The following PIK3C2G variants were observed in gnomAD, a reference collection of about 807,000 sequenced individuals.
The protein encoded by PIK3C2G is phosphatidylinositol-4-phosphate 3-kinase catalytic subunit type 2 gamma, also known as phosphatidylinositol 3-kinase C2 domain-containing subunit gamma.
A neutral mutation model predicts 181.1 loss-of-function variants in PIK3C2G; 168 were observed. The ratio of observed to expected loss-of-function variants is 0.93; its 90% CI spans 0.82 to 1.05. The LOEUF (loss-of-function observed/expected upper bound fraction) is 1.05. Among genes scored for constraint, PIK3C2G ranks in the 50% least tolerant of loss-of-function variants. The pLI, the probability that PIK3C2G is intolerant of heterozygous loss-of-function variation, is 0.00. For missense variants in PIK3C2G, 1,869 were observed against 1,732.8 expected (o/e 1.08, Z -1.40); for synonymous variants, 573 against 592.2 (o/e 0.97, Z 0.47).
intron 15 of PIK3C2G, among the ~76,000 whole-genome samples, chr12:18,391,673 C>T (rs1469471745): frequency 6.6e-6 from 1 of 152,014 alleles, no homozygotes; most frequent in Non-Finnish European, 1.5e-5. Flanking sequence ...TTTAACAGCA[C>T]AAATTAGTGA....
chr12:18,369,479 C>T (rs1039918155), intron 12 of PIK3C2G, among the ~76,000 whole-genome samples: 1 of 145,192 alleles, frequency 6.9e-6, no homozygotes, highest in Non-Finnish European at 1.5e-5. Flanking sequence ...ATATAACGAT[C>T]GTATAATTGA....
intron 26 of PIK3C2G, among the ~76,000 whole-genome samples, chr12:18,557,344 T>C: frequency 6.6e-6 from 1 of 151,862 alleles, no homozygotes; most frequent in East Asian, 1.9e-4. Context: ...TAACAAGAAT[T>C]TAGTAAAATA....
chr12:18,605,964 A>G (rs1947996023), intron 30 of PIK3C2G, among the ~76,000 whole-genome samples: 1 of 152,140 alleles, frequency 6.6e-6, no homozygotes, highest in Non-Finnish European at 1.5e-5. Flanking sequence ...TACAAATTTC[A>G]TAGATTTGCT....
At chr12:18,302,709 T>G (rs1950226476) in intron 5 of PIK3C2G, among the ~76,000 whole-genome samples, 1 of 152,052 alleles carries the variant, frequency 6.6e-6, no homozygotes, top group Non-Finnish European at 1.5e-5. Context: ...GGTGGCATGA[T>G]TCCCAAGGAC....
chr12:18,458,586 G>C lies in PIK3C2G; in HGVS notation c.2505-29863G>C, dbSNP rs115083230. 7.1e-3 allele frequency among the ~76,000 whole-genome samples: 1,077 copies of C among 152,230 alleles called. 6 individuals are homozygous for C. The highest frequency in any genetic ancestry group is 0.019 in the African/African-American group (793 of 41,554). ...TACAATGTGGGAAGAAGCTGAATAT[G>C]ATGAGTATCACTCTTGTGATTGTGT... On this transcript the variant is annotated intron_variant, in intron 18 of 32. Coordinates refer to ENST00000538779, the MANE Select transcript of PIK3C2G (RefSeq NM_001288772.2).
downstream of PIK3C2G, among the ~76,000 whole-genome samples, chr12:18,651,791 G>A (rs560963658): frequency 3.5e-4 from 54 of 152,292 alleles, no homozygotes; most frequent in African/African-American, 1.0e-3. Context: ...GTATATGAAT[G>A]TCGCTGGAAT....
intron 24 of PIK3C2G, among the ~76,000 whole-genome samples, chr12:18,517,621 G>A (rs961216283): frequency 2.6e-5 from 4 of 152,106 alleles, no homozygotes; most frequent in African/African-American, 9.7e-5. Context: ...ATCAGCTTAA[G>A]GAGTTTTGGG....
At chr12:18,518,633 T>G (rs1477668160) in intron 24 of PIK3C2G, among the ~76,000 whole-genome samples, 2 of 152,156 alleles carry the variant, frequency 1.3e-5, no homozygotes, top group African/African-American at 4.8e-5. Flanking sequence ...CTTTTCTTCT[T>G]TATTATTCTA....
chr12:18,313,839 C>T (rs560486518), intron 5 of PIK3C2G, 123 bp from the exon 6 acceptor site: 235 of 623,294 alleles, frequency 3.8e-4, no homozygotes, highest in Admixed American at 6.5e-4. Context: ...CGCACACACA[C>T]GCACACACTC....
chr12:18,683,422 A>C, the PIK3C2G span: 8 of 1,454,786 alleles, frequency 5.5e-6, no homozygotes, highest in Non-Finnish European at 7.6e-6. Flanking sequence ...CTAAGCCTAC[A>C]TTAAAAACCA....
chr12:18,705,463 T>G, the PIK3C2G span: 1 of 942,576 alleles, frequency 1.1e-6, no homozygotes, highest in Non-Finnish European at 1.6e-6. Context: ...AAAGTACTTT[T>G]GAGTTTGGCA....
chr12:18,550,469 A>C (rs1425153722), intron 26 of PIK3C2G, among the ~76,000 whole-genome samples: 1 of 151,942 alleles, frequency 6.6e-6, no homozygotes, highest in Non-Finnish European at 1.5e-5. Context: ...CCCTGATATC[A>C]CATGGATTTT....
chr12:18,435,990 C>G (rs968668525), intron 18 of PIK3C2G, among the ~76,000 whole-genome samples: 1 of 151,036 alleles, frequency 6.6e-6, no homozygotes, highest in Non-Finnish European at 1.5e-5. Context: ...AACCCTGATT[C>G]AACTGGTTTA....
the PIK3C2G span, among the ~76,000 whole-genome samples, chr12:18,680,349 T>A: frequency 6.6e-6 from 1 of 151,972 alleles, no homozygotes. Flanking sequence ...AAGGGACATG[T>A]TTTACATCCC....
intron 8 of PIK3C2G, among the ~76,000 whole-genome samples, chr12:18,329,222 C>A (rs560187256): frequency 4.0e-5 from 6 of 151,446 alleles, no homozygotes; most frequent in African/African-American, 1.2e-4. Context: ...GGGTTTTGTG[C>A]GAAGGAATAA....
chr12:18,715,424 C>A, the PIK3C2G span, among the ~76,000 whole-genome samples: 1 of 150,172 alleles, frequency 6.7e-6, no homozygotes, highest in East Asian at 2.0e-4. Context: ...TTTTTAGAGA[C>A]AGAGTCTCGC....
chr12:18,706,821 A>G, the PIK3C2G span, among the ~76,000 whole-genome samples: 1 of 152,182 alleles, frequency 6.6e-6, no homozygotes, highest in Non-Finnish European at 1.5e-5. Flanking sequence ...AAAAATTACT[A>G]CAAACCTTGG....
intron 15 of PIK3C2G, among the ~76,000 whole-genome samples, chr12:18,395,156 C>T (rs557663848): frequency 9.5e-4 from 138 of 144,902 alleles, no homozygotes; most frequent in African/African-American, 3.2e-3. Flanking sequence ...CTCACACACA[C>T]GCACACACAA....
At chr12:18,573,304 G>A (rs1946064500) in intron 29 of PIK3C2G, among the ~76,000 whole-genome samples, 1 of 152,146 alleles carries the variant, frequency 6.6e-6, no homozygotes, top group African/African-American at 2.4e-5. Flanking sequence ...GCCTTTGTGA[G>A]GGCCTCTTTC....
Sources: gnomAD v4.1 joint callset for allele counts (sites outside exome capture counted in the v4.1 genomes callset) on GRCh38, gnomAD v4.1.1 for gene constraint, MANE v1.5 for transcripts, NCBI Gene and HGNC (gene_info 2026-07-23, HGNC 2026-07-21) for gene names.